The following DNAJC15 variants were observed in gnomAD, a reference collection of about 807,000 sequenced individuals.
DNAJC15 encodes the protein DnaJ heat shock protein family (Hsp40) member C15.
In DNAJC15, 27 loss-of-function variants were observed where a neutral mutation model predicts 22.4. The observed-to-expected ratio is 1.20, with a 90% CI of 0.89 to 1.66. DNAJC15 has a LOEUF of 1.66. DNAJC15 is among the 40% of genes most tolerant of loss of function. The pLI is 0.00. For missense variants in DNAJC15, 208 were observed against 187.1 expected (o/e 1.11, Z -0.65); for synonymous variants, 79 against 63.2 (o/e 1.25, Z -1.19).
chr13:43,044,822 C>T (rs534024274), intron 1 of DNAJC15, among the ~76,000 whole-genome samples: 145 of 152,122 alleles, frequency 9.5e-4, no homozygotes, highest in Non-Finnish European at 1.1e-3. Flanking sequence ...CCACTTTCCT[C>T]ATTTCCATCA....
chr13:43,041,644 C>A (rs1282918986), intron 1 of DNAJC15, among the ~76,000 whole-genome samples: 1 of 152,192 alleles, frequency 6.6e-6, no homozygotes, highest in Non-Finnish European at 1.5e-5. Flanking sequence ...TCCCTGTATC[C>A]TCACATTTCC....
At chr13:43,079,964 C>T (rs1161957541) in intron 4 of DNAJC15, among the ~76,000 whole-genome samples, 1 of 152,030 alleles carries the variant, frequency 6.6e-6, no homozygotes, top group African/African-American at 2.4e-5. Context: ...AATGGGTGAC[C>T]CCAGTTTAAT....
At chr13:43,093,590 A>G (rs528731517) in intron 5 of DNAJC15, among the ~76,000 whole-genome samples, 1 of 152,076 alleles carries the variant, frequency 6.6e-6, no homozygotes, top group African/African-American at 2.4e-5. Context: ...TTTTATTTTT[A>G]TCTTTGTAGA....
At chr13:43,055,382 A>C (rs950292812) in intron 1 of DNAJC15, among the ~76,000 whole-genome samples, 3 of 152,128 alleles carry the variant, frequency 2.0e-5, no homozygotes, top group Admixed American at 1.3e-4. Flanking sequence ...GCCCATTTAT[A>C]AAAACCCTGA....
intron 1 of DNAJC15, among the ~76,000 whole-genome samples, chr13:43,026,465 C>T (rs933554046): frequency 1.3e-5 from 2 of 152,074 alleles, no homozygotes; most frequent in African/African-American, 2.4e-5. Flanking sequence ...TCAGAATGTC[C>T]CTAAGGGGTT....
At position 43,085,792 on chromosome 13, in the gene DNAJC15, T is replaced by C; in HGVS notation, c.336T>C (p.Ile112=). ...GVSPSAGKAK[I]RTAHRRVMIL... The stretch of plus-strand genomic sequence containing the variant: ...GCCCATCTGCTGGCAAGGCTAAGAT[T>C]AGAACAGCTCATAGGAGAGTCATGA... Residue 112 remains isoleucine, a synonymous_variant, in exon 5 of 6, where the codon ATT becomes ATC. Coordinates refer to ENST00000379221, the MANE Select transcript of DNAJC15 (RefSeq NM_013238.3). 1 of 1,613,578 alleles carries C rather than the reference T, an allele frequency of 6.2e-7. No homozygotes were observed. Among genetic ancestry groups the C allele is most frequent in the Non-Finnish European group, 8.5e-7 (1 of 1,179,866 alleles).
At chr13:43,085,653 T>C (rs1038925148) in intron 4 of DNAJC15, 115 bp from the exon 5 acceptor site, 3 of 712,916 alleles carry the variant, frequency 4.2e-6, no homozygotes, top group Non-Finnish European at 4.6e-6. Flanking sequence ...TTCATATTTG[T>C]CCACAAGATG....
At chr13:43,066,767 C>T (rs1340134836) in intron 2 of DNAJC15, among the ~76,000 whole-genome samples, 3 of 152,078 alleles carry the variant, frequency 2.0e-5, no homozygotes, top group Non-Finnish European at 4.4e-5. Context: ...GGACTACAGG[C>T]GCCAGCCACC....
intron 1 of DNAJC15, among the ~76,000 whole-genome samples, chr13:43,036,060 T>C (rs1353505120): frequency 6.6e-6 from 1 of 152,186 alleles, no homozygotes; most frequent in African/African-American, 2.4e-5. Context: ...TTTTAAAAAT[T>C]GGATTCTAAA....
chr13:43,054,545 T>G (rs572794785), intron 1 of DNAJC15, among the ~76,000 whole-genome samples: 2 of 152,314 alleles, frequency 1.3e-5, no homozygotes, highest in South Asian at 4.1e-4. Context: ...GACTTTTTTT[T>G]GTTGACAGTT....
chr13:43,107,936 AG>A lies in DNAJC15; in HGVS notation c.*689del, dbSNP rs2040805899. 1 of 152,538 alleles carries A rather than the reference AG, an allele frequency of 6.6e-6. No individual in the cohort carries two copies. The highest frequency in any genetic ancestry group is 2.4e-5 in the African/African-American group (1 of 41,448). The allele number at this position is 152,538 out of a possible 1,614,324, so 9.4% of individuals were successfully genotyped here. On this transcript the variant is annotated 3_prime_UTR_variant, in exon 6 of 6. Transcript: ENST00000379221. ...AGTTTGTATTTAATTATAGTCTTCC[AG>A]TACTGTATATTCATTCATTACTCAT... is the stretch of plus-strand genomic sequence containing the variant.
At chr13:43,080,347 A>G (rs751804338) in intron 4 of DNAJC15, among the ~76,000 whole-genome samples, 2 of 152,202 alleles carry the variant, frequency 1.3e-5, no homozygotes, top group Non-Finnish European at 2.9e-5. Flanking sequence ...TGCTGAGGAT[A>G]ATGGCTTCCA....
chr13:43,081,007 C>T (rs1360213038), intron 4 of DNAJC15, among the ~76,000 whole-genome samples: 1 of 152,096 alleles, frequency 6.6e-6, no homozygotes, highest in Non-Finnish European at 1.5e-5. Context: ...AAAATGGAGC[C>T]GATCCTTTTG....
intron 5 of DNAJC15, among the ~76,000 whole-genome samples, chr13:43,088,295 A>C (rs2153441701): frequency 6.6e-6 from 1 of 152,344 alleles, no homozygotes; most frequent in East Asian, 1.9e-4. Flanking sequence ...TAAAATATTT[A>C]AAAAGTACAC....
intron 3 of DNAJC15, among the ~76,000 whole-genome samples, chr13:43,074,855 T>C (rs1175219213): frequency 6.6e-6 from 1 of 151,384 alleles, no homozygotes; most frequent in Non-Finnish European, 1.5e-5. Context: ...CACTTAATCA[T>C]GATTTTAAAA....
chr13:43,092,283 A>T (rs192767402), intron 5 of DNAJC15, among the ~76,000 whole-genome samples: 3 of 152,248 alleles, frequency 2.0e-5, no homozygotes, highest in Admixed American at 6.5e-5. Flanking sequence ...GAAAATATGT[A>T]TAGCTGTACC....
intron 1 of DNAJC15, among the ~76,000 whole-genome samples, chr13:43,024,690 G>A (rs2040371494): frequency 6.6e-6 from 1 of 151,798 alleles, no homozygotes; most frequent in South Asian, 2.1e-4. Flanking sequence ...AAGAGAAACA[G>A]GTGGGTTTGA....
At chr13:43,026,566 C>T (rs2040381771) in intron 1 of DNAJC15, among the ~76,000 whole-genome samples, 1 of 150,880 alleles carries the variant, frequency 6.6e-6, no homozygotes, top group South Asian at 2.1e-4. Flanking sequence ...CTTGGAAGTA[C>T]TGAAAGCAAT....
At chr13:43,095,880 A>G (rs964642836) in intron 5 of DNAJC15, among the ~76,000 whole-genome samples, 3 of 152,158 alleles carry the variant, frequency 2.0e-5, no homozygotes, top group African/African-American at 7.2e-5. Flanking sequence ...AGGAATGAAA[A>G]GATGCGGAAG....
Sources: allele counts gnomAD v4.1 joint callset (sites outside exome capture counted in the v4.1 genomes callset), GRCh38; gene constraint gnomAD v4.1.1; transcripts MANE v1.5; gene names NCBI Gene and HGNC (gene_info 2026-07-23, HGNC 2026-07-21).